The following NRG4 variants were observed in gnomAD, a reference collection of about 807,000 sequenced individuals.
NRG4 encodes the protein neuregulin 4, also known as pro-neuregulin-4, membrane-bound isoform.
Under a neutral mutation model 15.0 loss-of-function variants are expected in NRG4, and 10 were observed. The observed-to-expected ratio is 0.67, with a 90% CI of 0.41 to 1.13. The LOEUF is 1.13. NRG4 is among the 50% of genes most tolerant of loss of function. The pLI is 0.00. For synonymous variants in NRG4, 41 were observed against 50.1 expected (o/e 0.82, Z 0.77); for missense variants, 139 against 140.2 (o/e 0.99, Z 0.04).
intron 4 of NRG4, among the ~76,000 whole-genome samples, 181 bp downstream of exon 4, chr15:75,961,647 T>C (rs938389432): frequency 5.3e-5 from 8 of 152,190 alleles, no homozygotes; most frequent in Non-Finnish European, 1.2e-4. Context: ...AAAGAACAAA[T>C]TGAGACTGCT....
chr15:75,952,580 G>A (rs1041682364), intron 5 of NRG4, among the ~76,000 whole-genome samples: 6 of 144,264 alleles, frequency 4.2e-5, no homozygotes, highest in African/African-American at 1.6e-4. Context: ...CTTTTTTTTC[G>A]CCCTCCTCAA....
chr15:75,978,106 C>T (rs555973616), intron 3 of NRG4, among the ~76,000 whole-genome samples: 98 of 152,222 alleles, frequency 6.4e-4, no homozygotes, highest in African/African-American at 1.8e-3. Context: ...CATGAGCTAC[C>T]GTGCCCAGCC....
chr15:75,952,457 A>G (rs1218371879), intron 5 of NRG4, among the ~76,000 whole-genome samples: 11 of 152,222 alleles, frequency 7.2e-5, no homozygotes, highest in Admixed American at 1.3e-4. Context: ...GTAGGAATAT[A>G]ACACATTTTA....
At chr15:75,936,766 G>C (rs2030382337), downstream of NRG4, 1 of 151,912 alleles carries the variant, frequency 6.6e-6, no homozygotes, top group African/African-American at 2.4e-5. Flanking sequence ...TAGAGATGGG[G>C]TTTCTCTGTG....
At chr15:76,032,628 C>T (rs987677370) in intron 5 of NRG4, among the ~76,000 whole-genome samples, 2 of 152,130 alleles carry the variant, frequency 1.3e-5, no homozygotes, top group Non-Finnish European at 2.9e-5. Context: ...AATATCTATT[C>T]TTCTTTGCCA....
chr15:76,031,814 C>T (rs1410855674), intron 5 of NRG4, among the ~76,000 whole-genome samples: 2 of 152,154 alleles, frequency 1.3e-5, no homozygotes, highest in African/African-American at 4.8e-5. Flanking sequence ...AAGATCGTGC[C>T]ATTGCATTCC....
chr15:76,051,713 G>A (rs904555353), intron 4 of NRG4, among the ~76,000 whole-genome samples: 9 of 150,070 alleles, frequency 6.0e-5, no homozygotes, highest in African/African-American at 7.5e-5. Context: ...ACAGGCGCCC[G>A]CCACCACGCC....
intron 3 of NRG4, among the ~76,000 whole-genome samples, chr15:75,965,927 C>T (rs181849365): frequency 3.3e-5 from 5 of 152,318 alleles, no homozygotes; most frequent in Admixed American, 6.5e-5. Flanking sequence ...CTGGACCTTA[C>T]TTCTGCACAA....
intron 3 of NRG4, among the ~76,000 whole-genome samples, chr15:75,995,269 A>AAGC (rs2034172101): frequency 6.6e-6 from 1 of 152,064 alleles, no homozygotes; most frequent in South Asian, 2.1e-4. Flanking sequence ...GCTATACAGG[A>AAGC]AGCATGGTGC....
At chr15:75,960,797 G>A (rs1461784219) in intron 4 of NRG4, among the ~76,000 whole-genome samples, 1 of 152,052 alleles carries the variant, frequency 6.6e-6, no homozygotes, top group Non-Finnish European at 1.5e-5. Flanking sequence ...GCCATCCCTC[G>A]GAAATGCAAT....
At chr15:75,992,994 A>C (rs898758312) in intron 3 of NRG4, among the ~76,000 whole-genome samples, 4 of 151,958 alleles carry the variant, frequency 2.6e-5, no homozygotes, top group African/African-American at 9.7e-5. Context: ...TATTTTTGCA[A>C]GATACAAAGT....
chr15:75,976,348 A>G (rs562679495), intron 3 of NRG4, among the ~76,000 whole-genome samples: 4 of 152,236 alleles, frequency 2.6e-5, no homozygotes, highest in African/African-American at 9.6e-5. Flanking sequence ...CAATTTGTCA[A>G]ACTCATTCTC....
intron 1 of NRG4, among the ~76,000 whole-genome samples, chr15:76,058,008 TGTC>T (rs772636849): frequency 2.0e-5 from 3 of 152,068 alleles, no homozygotes; most frequent in African/African-American, 7.2e-5. Flanking sequence ...TCAAAATACT[TGTC>T]GTACTCTGAG....
At chr15:76,005,699 AGGAAAG>A in intron 3 of NRG4, 11 of 324,772 alleles carry the variant, frequency 3.4e-5, no homozygotes, top group South Asian at 8.4e-5. Context: ...AAAAAAAAAA[AGGAAAG>A]AAAAGAGAAT....
In NRG4 at chr15:75,941,471, T is replaced by C. The variant is rs2030948844; in HGVS notation, c.*2167A>G. Reference sequence around the variant, plus strand: ...GCGGAGGCTTGAGGGTATATTTGTATACCAGTGTTCACTGCAGCATTATTC... The same window carrying C: ...GCGGAGGCTTGAGGGTATATTTGTACACCAGTGTTCACTGCAGCATTATTC... On this transcript the variant is annotated 3_prime_UTR_variant, in exon 6 of 6. Coordinates refer to ENST00000394907, the MANE Select transcript of NRG4 (RefSeq NM_138573.4). 6.6e-6 allele frequency: 1 copy of C among 152,162 alleles called. No homozygotes were observed. 9.4% of individuals were successfully genotyped at this position (152,162 alleles called of 1,614,324 possible). A position where few individuals can be genotyped will look rare whatever the true frequency, so the allele number is the denominator to read the frequency against.
rs768230628 is a variant in NRG4, at chr15:75,961,912, T to G, written c.167A>C (p.Gln56Pro). ...EEVFLPGSSIQTKSNLFEAFV... is the reference protein window; with the variant it reads ...EEVFLPGSSIPTKSNLFEAFV... The stretch of plus-strand genomic sequence containing the variant: ...AGCTTCAAACAGGTTACTTTTAGTT[T>G]GGATGCTGGAGCCTGGGAGAAAAAC... The change falls in exon 4 of 6, where the codon CAA becomes CCA. Residue 56 changes from glutamine to proline, a missense_variant. Transcript: ENST00000394907. The G allele has an allele frequency of 8.4e-5, 136 of 1,613,734 alleles. 3 individuals carry two copies. The Middle Eastern group carries it at 7.1e-3, about 84-fold the overall frequency.
upstream of NRG4, among the ~76,000 whole-genome samples, chr15:76,013,947 A>G (rs1187027885): frequency 6.6e-6 from 1 of 152,164 alleles, no homozygotes; most frequent in African/African-American, 2.4e-5. Flanking sequence ...GAACTAATTT[A>G]CACTCCCACC....
chr15:75,953,943 TC>T (rs2032067584), intron 5 of NRG4, among the ~76,000 whole-genome samples: 1 of 152,170 alleles, frequency 6.6e-6, no homozygotes, highest in Non-Finnish European at 1.5e-5. Context: ...TGCCTCAGCC[TC>T]CCAGAATGCT....
downstream of NRG4, chr15:75,940,929 GA>G (rs1196806879): frequency 3.9e-5 from 6 of 151,958 alleles, no homozygotes; most frequent in African/African-American, 1.5e-4. Context: ...GACAACGAAA[GA>G]AAAAATAGGC....
Sources: allele counts gnomAD v4.1 joint callset (sites outside exome capture counted in the v4.1 genomes callset), GRCh38; gene constraint gnomAD v4.1.1; transcripts MANE v1.5; gene names NCBI Gene and HGNC (gene_info 2026-07-23, HGNC 2026-07-21).